TXNDC16: variants seen among roughly 807,000 people sequenced by gnomAD.
The protein encoded by TXNDC16 is thioredoxin domain-containing protein 16.
Under a neutral mutation model 85.6 loss-of-function variants are expected in TXNDC16, and 74 were observed. The observed-to-expected ratio is 0.86, with a 90% CI of 0.72 to 1.05. The LOEUF is 1.05. Ranked by LOEUF, TXNDC16 falls within the 50% of genes least tolerant of loss-of-function variation. The pLI is 0.00. For missense variants in TXNDC16, 959 were observed against 947.0 expected (o/e 1.01, Z -0.17); for synonymous variants, 335 against 326.5 (o/e 1.03, Z -0.28).
At position 52,470,794 on chromosome 14, in the gene TXNDC16, T is replaced by G. The variant is rs958680321; in HGVS notation, c.1313-114A>C. ...ATTTTAACCTCTCAGCATGAAACAC[T>G]CCTGCTTAAACACTCTCTTCCCTTG... On this transcript the variant is annotated intron_variant, in intron 14 of 20. Coordinates refer to ENST00000281741, the MANE Select transcript of TXNDC16 (RefSeq NM_020784.3). 4 of 934,660 alleles carry G rather than the reference T, an allele frequency of 4.3e-6. No homozygotes were observed. The African/African-American group carries it at 5.1e-5, about 12-fold the overall frequency. The allele number at this position is 934,660 out of a possible 1,614,324, so 57.9% of individuals were successfully genotyped here. A position where few individuals can be genotyped will look rare whatever the true frequency, so the allele number is the denominator to read the frequency against.
At chr14:52,441,363 C>T (rs1416039401) in intron 18 of TXNDC16, among the ~76,000 whole-genome samples, 1 of 151,994 alleles carries the variant, frequency 6.6e-6, no homozygotes, top group Non-Finnish European at 1.5e-5. Context: ...AATCCCAGCA[C>T]TTTGGGAGGC....
Position 52,493,202 on chromosome 14 carries a change from T to TACACACAC in TXNDC16, c.757-2198_757-2197insGTGTGTGT, listed in dbSNP as rs1238441233. The stretch of plus-strand genomic sequence containing the variant: ...AACACATGTCACTGTTCTATATATA[T>TACACACAC]ATATATATATATATACACACACACA... On this transcript the variant is annotated intron_variant, in intron 9 of 20. Coordinates refer to ENST00000281741, the MANE Select transcript of TXNDC16 (RefSeq NM_020784.3). Among the ~76,000 whole-genome samples the TACACACAC allele has an allele frequency of 2.3e-5, 3 of 127,854 alleles. No homozygotes were observed. The South Asian group carries it at 6.7e-4, about 29-fold the overall frequency. The allele number at this position is 127,854 out of a possible 152,430, so 83.9% of individuals were successfully genotyped here. A position where few individuals can be genotyped will look rare whatever the true frequency, so the allele number is the denominator to read the frequency against.
chr14:52,459,147 A>G (rs967271998), intron 16 of TXNDC16, among the ~76,000 whole-genome samples: 6 of 152,206 alleles, frequency 3.9e-5, no homozygotes, highest in Non-Finnish European at 5.9e-5. Flanking sequence ...AAACATATTT[A>G]TTTAGCAATA....
intron 7 of TXNDC16, among the ~76,000 whole-genome samples, chr14:52,518,502 T>C (rs556570463): frequency 1.3e-5 from 2 of 152,314 alleles, no homozygotes; most frequent in Admixed American, 1.3e-4. Context: ...TCAATCTATA[T>C]CCAATAGATC....
intron 20 of TXNDC16, among the ~76,000 whole-genome samples, chr14:52,435,095 AT>A (rs1323236461): frequency 1.3e-5 from 2 of 152,194 alleles, no homozygotes; most frequent in Admixed American, 6.5e-5. Context: ...GTGCCTCTGC[AT>A]TCATTTTTTA....
At chr14:52,465,212 T>G (rs2035744026) in intron 16 of TXNDC16, among the ~76,000 whole-genome samples, 1 of 152,124 alleles carries the variant, frequency 6.6e-6, no homozygotes, top group Admixed American at 6.5e-5. Context: ...TCTTAAACTC[T>G]TTCATTCAGA....
intron 14 of TXNDC16, among the ~76,000 whole-genome samples, chr14:52,474,445 T>TA (rs142638809): frequency 0.014 from 2,082 of 152,242 alleles, 61 homozygotes; most frequent in African/African-American, 0.048. Context: ...ATCTGCTTTT[T>TA]AAAAAAATGA....
chr14:52,511,791 T>C (rs1046406454), intron 8 of TXNDC16, among the ~76,000 whole-genome samples: 2 of 152,190 alleles, frequency 1.3e-5, no homozygotes, highest in Non-Finnish European at 2.9e-5. Flanking sequence ...GCAAATTTTC[T>C]AAATTTAATT....
intron 9 of TXNDC16, among the ~76,000 whole-genome samples, chr14:52,492,937 T>C (rs1211399380): frequency 1.3e-5 from 2 of 152,108 alleles, no homozygotes; most frequent in Admixed American, 6.5e-5. Context: ...CTGATGTTTT[T>C]GTTTTGTTTT....
chr14:52,471,909 A>C (rs767202976), intron 14 of TXNDC16, among the ~76,000 whole-genome samples: 7 of 150,870 alleles, frequency 4.6e-5, no homozygotes, highest in Non-Finnish European at 1.0e-4. Context: ...AGCACCATAC[A>C]ACTCGAAAGA....
chr14:52,457,964 G>A (rs2035571170), intron 16 of TXNDC16, among the ~76,000 whole-genome samples: 1 of 152,124 alleles, frequency 6.6e-6, no homozygotes, highest in South Asian at 2.1e-4. Context: ...AAGGCCAAAT[G>A]ATAATTCAAT....
chr14:52,530,802 GA>G (rs1161656901), intron 6 of TXNDC16, among the ~76,000 whole-genome samples: 3 of 148,824 alleles, frequency 2.0e-5, no homozygotes, highest in Admixed American at 1.4e-4. Flanking sequence ...ATTTACAATA[GA>G]AAAAAAGATA....
chr14:52,533,745 T>C (rs1474221383), intron 6 of TXNDC16, among the ~76,000 whole-genome samples: 1 of 152,174 alleles, frequency 6.6e-6, no homozygotes, highest in Non-Finnish European at 1.5e-5. Context: ...TATCATCTCA[T>C]TCCAAGGAGT....
intron 16 of TXNDC16, among the ~76,000 whole-genome samples, chr14:52,463,477 C>G (rs191325620): frequency 5.9e-5 from 9 of 152,246 alleles, no homozygotes; most frequent in African/African-American, 9.6e-5. Flanking sequence ...GCTGGGCAGC[C>G]CCCCCAAACC....
rs1288895767 is a variant in TXNDC16, at chr14:52,494,454, AG to A, written c.757-3450del. On this transcript the variant is annotated intron_variant, in intron 9 of 20. Transcript: ENST00000281741. ...CCTGTCCAACAGCCAGCAAGAAAAC[AG>A]AAACCTGGGTCTTACAACCACAAGC... Among the ~76,000 whole-genome samples the A allele has an allele frequency of 3.3e-5, 5 of 152,246 alleles. No individual in the cohort carries two copies. The East Asian group carries it at 7.7e-4, about 23-fold the overall frequency.
chr14:52,495,343 TAAC>T (rs2036506748), intron 9 of TXNDC16, among the ~76,000 whole-genome samples: 1 of 152,158 alleles, frequency 6.6e-6, no homozygotes, highest in Non-Finnish European at 1.5e-5. Flanking sequence ...CTGCTTAGTC[TAAC>T]AACAAGGTGG....
intron 18 of TXNDC16, among the ~76,000 whole-genome samples, chr14:52,447,165 G>C (rs2035303877): frequency 6.6e-6 from 1 of 151,796 alleles, no homozygotes; most frequent in African/African-American, 2.4e-5. Context: ...ACCTGGGCCA[G>C]AGGCAAGCCC....
chr14:52,478,563 T>C (rs1316296178), intron 14 of TXNDC16, among the ~76,000 whole-genome samples: 1 of 151,962 alleles, frequency 6.6e-6, no homozygotes, highest in Admixed American at 6.6e-5. Flanking sequence ...CTGGAAAACC[T>C]AGAGGAGATG....
Position 52,436,985 on chromosome 14 carries a change from C to G in TXNDC16, c.2194+2219G>C, listed in dbSNP as rs888328955. Among the ~76,000 whole-genome samples, 6 of 152,044 alleles carry G rather than the reference C, an allele frequency of 3.9e-5. No individual in the cohort carries two copies. In the East Asian group the frequency reaches 1.2e-3, roughly 29 times the overall value. ...AGGAGACTTTTTGTTACATTTCACA[C>G]TATTTGTTCAATATACTATAATAAT... On this transcript the variant is annotated intron_variant, in intron 20 of 20. Transcript: ENST00000281741.
Sources: allele counts gnomAD v4.1 joint callset (sites outside exome capture counted in the v4.1 genomes callset), GRCh38; gene constraint gnomAD v4.1.1; transcripts MANE v1.5; gene names NCBI Gene and HGNC (gene_info 2026-07-23, HGNC 2026-07-21).